Variants in PAPPA2 observed in about 807,000 individuals in gnomAD.
The protein encoded by PAPPA2 is pappalysin-2.
PAPPA2 carries 86 observed loss-of-function variants against 176.4 expected under a neutral mutation model. The observed-to-expected ratio is 0.49, with a 90% CI of 0.41 to 0.58. The LOEUF (loss-of-function observed/expected upper bound fraction) is 0.58. Among genes scored for constraint, PAPPA2 ranks in the 20% least tolerant of loss-of-function variants. PAPPA2 has a pLI of 0.00. For missense variants in PAPPA2, 2,073 were observed against 2,256.9 expected (o/e 0.92, Z 1.65); for synonymous variants, 809 against 852.2 (o/e 0.95, Z 0.88).
Position 176,773,214 on chromosome 1 carries a change from G to A in PAPPA2, c.4715+2034G>A, listed in dbSNP as rs145870418. Among the ~76,000 whole-genome samples the A allele has an allele frequency of 4.7e-4, 71 of 152,310 alleles. 1 individual carries two copies. Among genetic ancestry groups the A allele is most frequent in the Non-Finnish European group, 7.4e-4 (50 of 68,024 alleles). The stretch of plus-strand genomic sequence containing the variant: ...AAGATTAAATTATTTACCACGTTAT[G>A]TAAGCTGATTAAATCTTAGTTTACA... On this transcript the variant is annotated intron_variant, in intron 17 of 22. Coordinates refer to ENST00000367662, the MANE Select transcript of PAPPA2 (RefSeq NM_020318.3).
rs1185555902 is a variant in PAPPA2 at position 176,842,746 on chromosome 1, T to C, written c.*292T>C. On this transcript the variant is annotated 3_prime_UTR_variant, in exon 23 of 23. Coordinates refer to ENST00000367662, the MANE Select transcript of PAPPA2 (RefSeq NM_020318.3). Reference sequence around the variant, plus strand: ...GGACCCTCCTCCCTCACTTATATTCTATTAAATCCTATCCTCAACTCTTGC... The same window carrying C: ...GGACCCTCCTCCCTCACTTATATTCCATTAAATCCTATCCTCAACTCTTGC... The C allele has an allele frequency of 5.8e-6, 2 of 346,966 alleles. No individual in the cohort carries two copies. Among genetic ancestry groups the C allele is most frequent in the Admixed American group, 8.8e-5 (2 of 22,614 alleles). The allele number at this position is 346,966 out of a possible 1,614,324, so 21.5% of individuals were successfully genotyped here. A position where few individuals can be genotyped will look rare whatever the true frequency, so the allele number is the denominator to read the frequency against.
Position 176,788,277 on chromosome 1 carries a change from T to C in PAPPA2, c.4716-1532T>C, listed in dbSNP as rs564987877. ...AGACCACCACATAGCCTCTGGCTTC[T>C]GGAAGCTTCCAATCTAGTGGGAAAG... On this transcript the variant is annotated intron_variant, in intron 17 of 22. Transcript: ENST00000367662. Among the ~76,000 whole-genome samples the C allele has an allele frequency of 2.4e-4, 37 of 152,344 alleles. 2 individuals are homozygous for C. The East Asian group carries it at 6.0e-3, about 25-fold the overall frequency.
intron 21 of PAPPA2, among the ~76,000 whole-genome samples, chr1:176,811,330 T>A (rs1883430): frequency 1 from 152,360 of 152,360 alleles, 76,180 homozygotes; most frequent in Non-Finnish European, 1. Context: ...TCATATAAAT[T>A]ATAGCCAACA....
At chr1:176,633,919 C>A (rs982059013) in intron 3 of PAPPA2, among the ~76,000 whole-genome samples, 1 of 152,062 alleles carries the variant, frequency 6.6e-6, no homozygotes, top group Non-Finnish European at 1.5e-5. Context: ...GTTAGAATGG[C>A]GATCATTAAA....
intron 3 of PAPPA2, among the ~76,000 whole-genome samples, chr1:176,600,295 C>G (rs963254553): frequency 2.0e-5 from 3 of 152,138 alleles, no homozygotes; most frequent in African/African-American, 7.2e-5. Context: ...AGATATAGAT[C>G]TTTGGGTTTC....
At chr1:176,650,837 A>T (rs1229356955) in intron 3 of PAPPA2, among the ~76,000 whole-genome samples, 1 of 151,476 alleles carries the variant, frequency 6.6e-6, no homozygotes, top group Non-Finnish European at 1.5e-5. Context: ...AGATTGTTTT[A>T]ATTTGTTGCT....
At chr1:176,693,875 G>C (rs1660235040) in intron 6 of PAPPA2, among the ~76,000 whole-genome samples, 1 of 152,174 alleles carries the variant, frequency 6.6e-6, no homozygotes, top group Non-Finnish European at 1.5e-5. Context: ...GTGCAAACCA[G>C]AGTTTTACAT....
chr1:176,763,449 A>G (rs1663789454), intron 14 of PAPPA2, among the ~76,000 whole-genome samples: 3 of 152,184 alleles, frequency 2.0e-5, no homozygotes, highest in Admixed American at 1.3e-4. Flanking sequence ...ATATTTTCAT[A>G]TTTCACATCC....
At chr1:176,839,926 C>T (rs9659249) in intron 21 of PAPPA2, among the ~76,000 whole-genome samples, 4,727 of 152,180 alleles carry the variant, frequency 0.031, 245 homozygotes, top group African/African-American at 0.1. Context: ...GTTTAAATGA[C>T]GTATCTCAGA....
intron 21 of PAPPA2, among the ~76,000 whole-genome samples, chr1:176,812,550 T>A (rs1047713251): frequency 6.6e-6 from 1 of 152,204 alleles, no homozygotes; most frequent in East Asian, 1.9e-4. Flanking sequence ...GTGAATCCTA[T>A]AAGGCATTGC....
chr1:176,811,728 T>A (rs1351855854), intron 21 of PAPPA2, among the ~76,000 whole-genome samples: 1 of 152,186 alleles, frequency 6.6e-6, no homozygotes, highest in Non-Finnish European at 1.5e-5. Flanking sequence ...GCCAGTTTTG[T>A]GCAATATCTG....
intron 8 of PAPPA2, among the ~76,000 whole-genome samples, chr1:176,701,272 C>T (rs1007715334): frequency 1.4e-4 from 21 of 152,148 alleles, no homozygotes; most frequent in African/African-American, 4.6e-4. Context: ...GGCTACCTGC[C>T]GCTGAGTTTT....
intron 21 of PAPPA2, among the ~76,000 whole-genome samples, chr1:176,831,083 C>T (rs1465200345): frequency 1.3e-5 from 2 of 152,078 alleles, no homozygotes; most frequent in Admixed American, 6.5e-5. Context: ...AAAGTTTTTT[C>T]GGTTTTTGTT....
At chr1:176,625,639 A>G (rs1040396864) in intron 3 of PAPPA2, among the ~76,000 whole-genome samples, 1 of 152,228 alleles carries the variant, frequency 6.6e-6, no homozygotes, top group Admixed American at 6.5e-5. Context: ...CTGGCATCCC[A>G]TACTGAAAAG....
intron 1 of PAPPA2, among the ~76,000 whole-genome samples, chr1:176,471,309 C>G (rs1301944391): frequency 6.6e-6 from 1 of 152,118 alleles, no homozygotes; most frequent in African/African-American, 2.4e-5. Context: ...ATTCCCAACT[C>G]TCATTTGCTT....
chr1:176,544,515 C>T (rs1236341601), intron 1 of PAPPA2, among the ~76,000 whole-genome samples: 4 of 152,048 alleles, frequency 2.6e-5, no homozygotes, highest in African/African-American at 9.7e-5. Context: ...GTAGGAAATC[C>T]CGACTGTTTT....
At chr1:176,481,517 C>G (rs1366700521) in intron 1 of PAPPA2, among the ~76,000 whole-genome samples, 3 of 152,204 alleles carry the variant, frequency 2.0e-5, no homozygotes, top group South Asian at 2.1e-4. Context: ...GTGACTGACT[C>G]AGGAAGTAGA....
chr1:176,776,674 G>T (rs1185361582), intron 17 of PAPPA2, among the ~76,000 whole-genome samples: 2 of 152,038 alleles, frequency 1.3e-5, no homozygotes, highest in African/African-American at 2.4e-5. Context: ...GTGTTAAAAA[G>T]CTTAAAGGCT....
At chr1:176,723,098 A>T (rs1417660461) in intron 12 of PAPPA2, among the ~76,000 whole-genome samples, 2 of 152,178 alleles carry the variant, frequency 1.3e-5, no homozygotes, top group African/African-American at 4.8e-5. Context: ...CCAGGGTAGT[A>T]GGGCAAAAGA....
Sources: gnomAD v4.1 joint callset for allele counts (sites outside exome capture counted in the v4.1 genomes callset) on GRCh38, gnomAD v4.1.1 for gene constraint, MANE v1.5 for transcripts, NCBI Gene and HGNC (gene_info 2026-07-23, HGNC 2026-07-21) for gene names.